The following FAM20A variants were observed in gnomAD, a reference collection of about 807,000 sequenced individuals.
FAM20A encodes pseudokinase FAM20A.
FAM20A carries 42 observed loss-of-function variants against 52.0 expected under a neutral mutation model. The ratio of observed to expected loss-of-function variants is 0.81; its 90% CI spans 0.63 to 1.04. The LOEUF (loss-of-function observed/expected upper bound fraction) is 1.04. Ranked by LOEUF, FAM20A falls within the 50% of genes least tolerant of loss-of-function variation. The probability of loss-of-function intolerance (pLI) is 0.00; values close to 1 mark genes in which losing one functional copy is unlikely to be tolerated. For synonymous variants in FAM20A, 304 were observed against 298.9 expected (o/e 1.02, Z -0.18); for missense variants, 742 against 712.7 (o/e 1.04, Z -0.47).
chr17:68,554,570 G>A (rs1390490476), intron 3 of FAM20A, among the ~76,000 whole-genome samples: 3 of 152,188 alleles, frequency 2.0e-5, no homozygotes, highest in Non-Finnish European at 2.9e-5. Context: ...CCTGGGCCAC[G>A]CATTGCCCAG....
In FAM20A at chr17:68,600,628, C is replaced by T. The variant is rs2907388; in HGVS notation, c.39G>A (p.Leu13=). Reference sequence around the variant, plus strand: ...CGGCGGAGAGCAGCGCGCCCAGCAGCAGCAGAGTCAGTAGGCGGTCCCGGC... The same window carrying T: ...CGGCGGAGAGCAGCGCGCCCAGCAGTAGCAGAGTCAGTAGGCGGTCCCGGC... The part of the protein sequence containing the change: ...GLRRDRLLTL[L]LLGALLSADL... The change falls in exon 1 of 11, where the codon CTG becomes CTA. Residue 13 remains leucine, a synonymous_variant. Coordinates refer to ENST00000592554, the MANE Select transcript of FAM20A (RefSeq NM_017565.4). This position sits in a 1 kb window ranked among gnomAD's most constrained non-coding sequence, Gnocchi z 6.2. 62,166 of 1,560,538 alleles carry T rather than the reference C, an allele frequency of 0.04. 2,187 individuals carry two copies. The highest frequency in any genetic ancestry group is 0.14 in the South Asian group (12,384 of 85,480).
chr17:68,583,594 C>T (rs972863576), intron 1 of FAM20A, among the ~76,000 whole-genome samples: 2 of 152,148 alleles, frequency 1.3e-5, no homozygotes, highest in African/African-American at 4.8e-5. Context: ...TTAATTATAT[C>T]TGTAAAGACC....
intron 1 of FAM20A, among the ~76,000 whole-genome samples, chr17:68,575,620 TATATAAA>T (rs1463032975): frequency 1.2e-4 from 13 of 110,232 alleles, no homozygotes; most frequent in East Asian, 1.2e-3. Flanking sequence ...TTCTATATTA[TATATAAA>T]ATATAATATA....
chr17:68,545,908 G>A (rs2086532739), intron 4 of FAM20A, among the ~76,000 whole-genome samples: 2 of 152,190 alleles, frequency 1.3e-5, no homozygotes, highest in Admixed American at 1.3e-4. Flanking sequence ...GGTGGCTCAT[G>A]CCTGTAATCC....
chr17:68,552,233 C>T (rs926135845), intron 3 of FAM20A, among the ~76,000 whole-genome samples: 1 of 150,470 alleles, frequency 6.6e-6, no homozygotes, highest in Non-Finnish European at 1.5e-5. Flanking sequence ...ATAGTGAGAC[C>T]TCCATTTTGA....
At chr17:68,555,969 C>T (rs2087040586) in intron 1 of FAM20A, among the ~76,000 whole-genome samples, 1 of 152,196 alleles carries the variant, frequency 6.6e-6, no homozygotes, top group African/African-American at 2.4e-5. Context: ...AAAACACACA[C>T]ATAGTTATAC....
Position 68,555,658 on chromosome 17 carries a change from A to AATGGACCCAG in FAM20A, c.489_490insCTGGGTCCAT (p.Phe164LeufsTer9), listed in dbSNP as rs771766559. 3 of 1,613,810 alleles carry AATGGACCCAG rather than the reference A, an allele frequency of 1.9e-6. No individual in the cohort carries two copies. Among genetic ancestry groups the AATGGACCCAG allele is most frequent in the Non-Finnish European group, 2.5e-6 (3 of 1,180,022 alleles). On this transcript the variant is annotated frameshift_variant, in exon 2 of 11. Transcript: ENST00000592554. LOFTEE classifies it high-confidence loss of function. ...CCATGGCGGTTAATACCCAGGTGGA[A>AATGGACCCAG]CTGGACCCAGCTGGCCTCGAGTCGG...
At chr17:68,546,395 C>T (rs1477942547) in intron 4 of FAM20A, among the ~76,000 whole-genome samples, 2 of 152,006 alleles carry the variant, frequency 1.3e-5, no homozygotes, top group Non-Finnish European at 2.9e-5. Context: ...GATATTTTTA[C>T]CTCCTTCCAC....
intron 1 of FAM20A, among the ~76,000 whole-genome samples, chr17:68,571,626 C>T (rs2087537403): frequency 6.6e-6 from 1 of 152,160 alleles, no homozygotes; most frequent in African/African-American, 2.4e-5. Context: ...ATGTCTCTTT[C>T]AGTGTTCTTA....
chr17:68,539,873 G>A lies in FAM20A; in HGVS notation c.1301+12C>T. The stretch of plus-strand genomic sequence containing the variant: ...GGAGAGGGGATTGTTGAACACACGT[G>A]GGGAAGCTCACCCTCTGGCGTTGTC... On this transcript the variant is annotated intron_variant, in intron 9 of 10. Transcript: ENST00000592554. 2 of 1,613,252 alleles carry A rather than the reference G, an allele frequency of 1.2e-6. No homozygotes were observed. Among genetic ancestry groups the A allele is most frequent in the East Asian group, 4.5e-5 (2 of 44,876 alleles).
chr17:68,571,691 T>TC (rs1052050934), intron 1 of FAM20A, among the ~76,000 whole-genome samples: 13 of 152,024 alleles, frequency 8.6e-5, no homozygotes, highest in African/African-American at 2.9e-4. Flanking sequence ...TTCTTTTTTT[T>TC]CCCCATGGCT....
chr17:68,553,017 G>A (rs879589064), intron 3 of FAM20A, among the ~76,000 whole-genome samples: 1 of 152,146 alleles, frequency 6.6e-6, no homozygotes, highest in African/African-American at 2.4e-5. Flanking sequence ...ATATGGTTAG[G>A]CTTTGTGTCC....
At chr17:68,553,956 GCATATATA>G (rs1181461129) in intron 3 of FAM20A, among the ~76,000 whole-genome samples, 1 of 114,006 alleles carries the variant, frequency 8.8e-6, no homozygotes, top group Non-Finnish European at 1.9e-5. Context: ...ACACATATAT[GCATATATA>G]CATATATACA....
rs1173261032 is a variant in FAM20A at position 68,537,434 on chromosome 17, T to C, written c.*43A>G. 5 of 1,613,422 alleles carry C rather than the reference T, an allele frequency of 3.1e-6. No homozygotes were observed. Among genetic ancestry groups the C allele is most frequent in the South Asian group, 2.2e-5 (2 of 91,000 alleles). ...CAGGGTCGGCACTCGAGTCGACTGC[T>C]CTGGCTCCAGGCGTATTTTCTGAAA... On this transcript the variant is annotated 3_prime_UTR_variant, in exon 11 of 11. Coordinates refer to ENST00000592554, the MANE Select transcript of FAM20A (RefSeq NM_017565.4). The surrounding 1 kb of genome is among the most constrained non-coding windows in gnomAD (Gnocchi z 4.2).
At chr17:68,542,657 A>G (rs756898585) in intron 6 of FAM20A, 37 bp downstream of exon 6, 2 of 1,523,030 alleles carry the variant, frequency 1.3e-6, no homozygotes, top group Non-Finnish European at 1.8e-6. Context: ...CTTACGATCT[A>G]CTCAGACCCG....
At chr17:68,591,030 T>G (rs1304105516) in intron 1 of FAM20A, among the ~76,000 whole-genome samples, 3 of 152,080 alleles carry the variant, frequency 2.0e-5, no homozygotes, top group Non-Finnish European at 4.4e-5. Context: ...CAGGAAGGGA[T>G]GAAGATAAGC....
At chr17:68,590,933 CA>C (rs2088287336) in intron 1 of FAM20A, among the ~76,000 whole-genome samples, 1 of 150,484 alleles carries the variant, frequency 6.6e-6, no homozygotes, top group Admixed American at 6.6e-5. Context: ...AGACCTGGCC[CA>C]ATGAGCATCT....
intron 7 of FAM20A, 25 bp downstream of exon 7, chr17:68,541,960 C>T (rs767747464): frequency 1.1e-5 from 17 of 1,607,432 alleles, no homozygotes; most frequent in Middle Eastern, 1.8e-4. Context: ...AAGGACTGGG[C>T]TGTGTGGCCT....
rs993316928 is a variant in FAM20A, at chr17:68,536,514, T to C, written c.*963A>G. 2.2e-6 allele frequency: 1 copy of C among 454,122 alleles called. No individual in the cohort carries two copies. 28.1% of individuals were successfully genotyped at this position (454,122 alleles called of 1,614,324 possible). The stretch of plus-strand genomic sequence containing the variant: ...TTCAATAAAAAACCTGACTTAGTCT[T>C]TTTTGAGCCAGCCGTCACAGGGAGG... On this transcript the variant is annotated 3_prime_UTR_variant, in exon 11 of 11. Coordinates refer to ENST00000592554, the MANE Select transcript of FAM20A (RefSeq NM_017565.4).
Sources: gnomAD v4.1 joint callset for allele counts (sites outside exome capture counted in the v4.1 genomes callset) on GRCh38, gnomAD v4.1.1 for gene constraint, Gnocchi (gnomAD v3.1) non-coding constraint, MANE v1.5 for transcripts, NCBI Gene and HGNC (gene_info 2026-07-23, HGNC 2026-07-21) for gene names.